The following UBE2F variants were observed in gnomAD, a reference collection of about 807,000 sequenced individuals.
UBE2F encodes NEDD8-conjugating enzyme UBE2F.
UBE2F carries 5 observed loss-of-function variants against 29.6 expected under a neutral mutation model. The ratio of observed to expected loss-of-function variants is 0.17; its 90% CI spans 0.09 to 0.36. The LOEUF is 0.36. Ranked by LOEUF, UBE2F falls within the 10% of genes least tolerant of loss-of-function variation. The pLI, the probability that UBE2F is intolerant of heterozygous loss-of-function variation, is 1.00. For synonymous variants in UBE2F, 66 were observed against 81.8 expected, an observed-to-expected ratio of 0.81 and a Z score of 1.04; for missense variants, 141 against 228.5, an observed-to-expected ratio of 0.62 and a Z score of 2.47.
rs1315431161 is a variant in UBE2F at position 238,000,496 on chromosome 2, T to C, written c.214+5687T>C. 2.0e-5 allele frequency among the ~76,000 whole-genome samples: 3 copies of C among 152,380 alleles called. No individual in the cohort carries two copies. The East Asian group carries it at 5.8e-4, about 29-fold the overall frequency. On this transcript the variant is annotated intron_variant, in intron 4 of 9. Transcript: ENST00000272930. ...TCACCCATGTTGTTAATCAGTATTC[T>C]GTATTTTGTATTGTTGAATTGTATT...
Position 238,041,383 on chromosome 2 carries a change from C to G in UBE2F, c.*45C>G, listed in dbSNP as rs2064835267. 1 of 1,605,240 alleles carries G rather than the reference C, an allele frequency of 6.2e-7. No individual in the cohort carries two copies. Among genetic ancestry groups the G allele is most frequent in the African/African-American group, 1.3e-5 (1 of 74,740 alleles). ...GCCCATGGACTGTGTTACAGTTTGT[C>G]TCTAACATGAAACAGCAAGAGGTAG... On this transcript the variant is annotated 3_prime_UTR_variant, in exon 10 of 10. Coordinates refer to ENST00000272930, the MANE Select transcript of UBE2F (RefSeq NM_080678.3).
rs575829653 is a variant in UBE2F, at chr2:237,983,212, A to G, written c.119-4751A>G. 1.4e-4 allele frequency among the ~76,000 whole-genome samples: 21 copies of G among 152,342 alleles called. 1 individual carries two copies. Among genetic ancestry groups the G allele is most frequent in the Admixed American group, 1.1e-3 (17 of 15,306 alleles). On this transcript the variant is annotated intron_variant, in intron 2 of 9. Coordinates refer to ENST00000272930, the MANE Select transcript of UBE2F (RefSeq NM_080678.3). ...GGCTCCCAGGGTTGTATTTAGTCAC[A>G]GAACTTGCTCTATTTCTGATCATGG...
intron 4 of UBE2F, among the ~76,000 whole-genome samples, chr2:238,013,808 G>C (rs1183027519): frequency 6.6e-6 from 1 of 152,124 alleles, no homozygotes; most frequent in African/African-American, 2.4e-5. Flanking sequence ...GTGGGGCAGG[G>C]GCCAGGCTGG....
At chr2:238,025,964 G>A (rs1353119034) in intron 6 of UBE2F, among the ~76,000 whole-genome samples, 1 of 152,220 alleles carries the variant, frequency 6.6e-6, no homozygotes, top group East Asian at 1.9e-4. Context: ...AGAACGTCAG[G>A]CATCAGTGAT....
chr2:237,989,440 C>T (rs931272618), intron 3 of UBE2F, among the ~76,000 whole-genome samples: 7 of 151,574 alleles, frequency 4.6e-5, no homozygotes, highest in Non-Finnish European at 8.8e-5. Flanking sequence ...GCAACCTCTG[C>T]CTCCTAGGTT....
intron 2 of UBE2F, among the ~76,000 whole-genome samples, chr2:237,975,105 A>ATT (rs35635589): frequency 4.8e-5 from 7 of 144,406 alleles, no homozygotes; most frequent in African/African-American, 1.5e-4. Flanking sequence ...TTTCTTTAAA[A>ATT]TTTTTTTTTT....
At chr2:238,036,005 T>G in intron 9 of UBE2F, 65 bp downstream of exon 9, 1 of 1,398,554 alleles carries the variant, frequency 7.2e-7, no homozygotes, top group Non-Finnish European at 1.0e-6. Flanking sequence ...CTACTGTCTC[T>G]TGATTGGATA....
At chr2:238,030,444 G>A in intron 6 of UBE2F, 112 bp from the exon 7 acceptor site, 1 of 711,976 alleles carries the variant, frequency 1.4e-6, no homozygotes. Flanking sequence ...GGAAAAGATG[G>A]GTTTAATAAA....
At chr2:238,030,139 G>C (rs2064539754) in intron 6 of UBE2F, among the ~76,000 whole-genome samples, 1 of 151,978 alleles carries the variant, frequency 6.6e-6, no homozygotes, top group Non-Finnish European at 1.5e-5. Context: ...GTGTTGCCCA[G>C]GCTGGTCTCA....
In UBE2F at chr2:238,025,241, T is replaced by C. The variant is rs554527211; in HGVS notation, c.283-101T>C. 62 of 1,000,772 alleles carry C rather than the reference T, an allele frequency of 6.2e-5. No individual in the cohort carries two copies. The East Asian group carries it at 1.3e-3, about 22-fold the overall frequency. 62.0% of individuals were successfully genotyped at this position (1,000,772 alleles called of 1,614,324 possible). A position where few individuals can be genotyped will look rare whatever the true frequency, so the allele number is the denominator to read the frequency against. On this transcript the variant is annotated intron_variant, in intron 5 of 9. Coordinates refer to ENST00000272930, the MANE Select transcript of UBE2F (RefSeq NM_080678.3). ...GTCAAACTGCACACTGAGTCAGCCA[T>C]GAAACAAGCGTCTAGATAGGGGATG...
chr2:238,020,220 T>G (rs1576629412), intron 5 of UBE2F, among the ~76,000 whole-genome samples: 1 of 152,210 alleles, frequency 6.6e-6, no homozygotes, highest in Non-Finnish European at 1.5e-5. Flanking sequence ...CCACACTATT[T>G]CCGGTGTGTA....
chr2:238,022,175 C>T (rs13415973), intron 5 of UBE2F, among the ~76,000 whole-genome samples: 28 of 63,312 alleles, frequency 4.4e-4, no homozygotes, highest in African/African-American at 1.0e-3. Flanking sequence ...CTTTTCTTTT[C>T]TTTTTTTTTT....
chr2:238,008,660 T>C (rs923006579), intron 4 of UBE2F, among the ~76,000 whole-genome samples: 33 of 152,224 alleles, frequency 2.2e-4, no homozygotes, highest in Non-Finnish European at 4.3e-4. Context: ...ATTTTGTTCA[T>C]GTCTTTGTTA....
intron 6 of UBE2F, among the ~76,000 whole-genome samples, chr2:238,029,366 A>G (rs896427582): frequency 1.3e-5 from 2 of 152,068 alleles, no homozygotes; most frequent in African/African-American, 4.8e-5. Flanking sequence ...AGGCGGGCGG[A>G]TCACGAGGTC....
intron 4 of UBE2F, among the ~76,000 whole-genome samples, chr2:238,014,505 A>G (rs2064111458): frequency 6.6e-6 from 1 of 152,248 alleles, no homozygotes; most frequent in African/African-American, 2.4e-5. Flanking sequence ...GTGGTAGGCA[A>G]TAGAGTTGAA....
intron 2 of UBE2F, among the ~76,000 whole-genome samples, chr2:237,985,399 C>T (rs181199869): frequency 1.2e-4 from 18 of 152,128 alleles, no homozygotes; most frequent in African/African-American, 3.1e-4. Flanking sequence ...TAGTCACCAC[C>T]GTTTTCTGTT....
At position 238,037,290 on chromosome 2, in the gene UBE2F, A is replaced by G. The variant is rs190505513; in HGVS notation, c.507+1350A>G. Reference sequence around the variant, plus strand: ...AAGCTGAAAGAATTATAGTTGCTGAATGTCACCTTTCCACTGTGCTTGAGT... The same window carrying G: ...AAGCTGAAAGAATTATAGTTGCTGAGTGTCACCTTTCCACTGTGCTTGAGT... On this transcript the variant is annotated intron_variant, in intron 9 of 9. Transcript: ENST00000272930. Among the ~76,000 whole-genome samples, 50 of 152,384 alleles carry G rather than the reference A, an allele frequency of 3.3e-4. No homozygotes were observed. The Middle Eastern group carries it at 0.01, about 31-fold the overall frequency.
At chr2:238,015,927 G>T (rs543773752) in intron 4 of UBE2F, among the ~76,000 whole-genome samples, 2 of 152,200 alleles carry the variant, frequency 1.3e-5, no homozygotes, top group South Asian at 4.2e-4. Context: ...GGTAAAGAGG[G>T]AGTGGGGGTA....
chr2:238,034,552 G>A (rs2064661127), intron 8 of UBE2F, among the ~76,000 whole-genome samples: 1 of 152,082 alleles, frequency 6.6e-6, no homozygotes, highest in African/African-American at 2.4e-5. Context: ...TGGTTATTCT[G>A]ATCAACTCAT....
Sources: allele counts gnomAD v4.1 joint callset (sites outside exome capture counted in the v4.1 genomes callset), GRCh38; gene constraint gnomAD v4.1.1; transcripts MANE v1.5; gene names NCBI Gene and HGNC (gene_info 2026-07-23, HGNC 2026-07-21).